The following OSBPL9 variants were observed in gnomAD, a reference collection of about 807,000 sequenced individuals.
The protein encoded by OSBPL9 is oxysterol-binding protein-related protein 9.
OSBPL9 carries 40 observed loss-of-function variants against 106.6 expected under a neutral mutation model. That is an observed-to-expected ratio of 0.38 (90% CI 0.29 to 0.49). The LOEUF (loss-of-function observed/expected upper bound fraction) is 0.49. Ranked by LOEUF, OSBPL9 falls within the 20% of genes least tolerant of loss-of-function variation. The pLI, the probability that OSBPL9 is intolerant of heterozygous loss-of-function variation, is 0.97. For missense variants in OSBPL9, 609 were observed against 887.2 expected, an observed-to-expected ratio of 0.69 and a Z score of 3.98; for synonymous variants, 269 against 295.4, an observed-to-expected ratio of 0.91 and a Z score of 0.92.
chr1:51,518,826 ATGCGTGCG>A, the OSBPL9 span, among the ~76,000 whole-genome samples: 1 of 151,648 alleles, frequency 6.6e-6, no homozygotes, highest in Non-Finnish European at 1.5e-5. Flanking sequence ...CTCACCTGGG[ATGCGTGCG>A]GCCCTGTGGG....
chr1:51,776,240 AACTT>A (rs1279975268), intron 14 of OSBPL9, among the ~76,000 whole-genome samples: 2 of 152,250 alleles, frequency 1.3e-5, no homozygotes, highest in Non-Finnish European at 2.9e-5. Context: ...GTGTGAATAA[AACTT>A]AATTCTTGGA....
chr1:51,783,633 G>C lies in OSBPL9; in HGVS notation c.1514-282G>C, dbSNP rs1367205845. ...TGGCTGGGCCTAGGTTGGGGCTGGA[G>C]CCTGGGTGTACTTGCAGACCAGAAC... On this transcript the variant is annotated intron_variant, in intron 17 of 23. Transcript: ENST00000428468. Among the ~76,000 whole-genome samples, 5 of 152,200 alleles carry C rather than the reference G, an allele frequency of 3.3e-5. No homozygotes were observed. In the East Asian group the frequency reaches 9.6e-4, roughly 29 times the overall value.
At chr1:51,688,194 A>G (rs969335269) in intron 3 of OSBPL9, among the ~76,000 whole-genome samples, 17 of 152,226 alleles carry the variant, frequency 1.1e-4, no homozygotes, top group African/African-American at 4.1e-4. Context: ...GAATTTTAGC[A>G]ATGTGGACAG....
At chr1:51,564,052 C>CAAAAAAAAAAAAAAAAAA in the OSBPL9 span, among the ~76,000 whole-genome samples, 46 of 27,358 alleles carry the variant, frequency 1.7e-3, 4 homozygotes, top group Non-Finnish European at 2.2e-3. Context: ...GAGATCATCT[C>CAAAAAAAAAAAAAAAAAA]AAAAAAAAAA....
At chr1:51,706,249 G>A (rs1344307082) in intron 3 of OSBPL9, among the ~76,000 whole-genome samples, 3 of 152,160 alleles carry the variant, frequency 2.0e-5, no homozygotes, top group Non-Finnish European at 4.4e-5. Context: ...TACCAAAAGG[G>A]TACTTTCCTG....
At chr1:51,617,996 T>TTTTG (rs111943091) in intron 1 of OSBPL9, among the ~76,000 whole-genome samples, 3 of 145,766 alleles carry the variant, frequency 2.1e-5, no homozygotes, top group South Asian at 4.4e-4. Flanking sequence ...TCTTACGTGG[T>TTTTG]TGTGTGTGTG....
intron 2 of OSBPL9, among the ~76,000 whole-genome samples, chr1:51,664,955 C>T (rs1648082362): frequency 6.6e-6 from 1 of 152,154 alleles, no homozygotes; most frequent in African/African-American, 2.4e-5. Flanking sequence ...AGTTCAATAG[C>T]TGGCAGCATT....
intron 19 of OSBPL9, 46 bp downstream of exon 19, chr1:51,784,373 C>T (rs1677104962): frequency 3.7e-6 from 6 of 1,609,926 alleles, no homozygotes; most frequent in African/African-American, 2.7e-5. Context: ...TCTGCTGTTC[C>T]TTGAGACATG....
At chr1:51,775,586 C>T (rs1240096267) in intron 14 of OSBPL9, among the ~76,000 whole-genome samples, 1 of 151,870 alleles carries the variant, frequency 6.6e-6, no homozygotes, top group African/African-American at 2.4e-5. Flanking sequence ...ACCTTTGTCT[C>T]CACCATAGCT....
chr1:51,714,883 G>C (rs1660741718), intron 4 of OSBPL9, among the ~76,000 whole-genome samples: 1 of 152,126 alleles, frequency 6.6e-6, no homozygotes. Flanking sequence ...ATTGCTGATA[G>C]GGTAGAAGGT....
chr1:51,757,200 A>C (rs1429827649), intron 9 of OSBPL9, among the ~76,000 whole-genome samples: 1 of 152,162 alleles, frequency 6.6e-6, no homozygotes, highest in Non-Finnish European at 1.5e-5. Flanking sequence ...TTTGGTTTAA[A>C]AATTTTTTTT....
At chr1:51,595,119 T>G (rs761376345) in intron 1 of OSBPL9, among the ~76,000 whole-genome samples, 2 of 151,914 alleles carry the variant, frequency 1.3e-5, no homozygotes, top group African/African-American at 2.4e-5. Context: ...CTGGGGGTAG[T>G]GAGAATAATG....
chr1:51,785,922 CATTAG>C, intron 21 of OSBPL9, 36 bp downstream of exon 21: 1 of 1,536,562 alleles, frequency 6.5e-7, no homozygotes, highest in Admixed American at 1.7e-5. Flanking sequence ...TTTTAGGCTA[CATTAG>C]ATTGTACTCT....
chr1:51,574,355 C>CA (rs1372639396), upstream of OSBPL9, among the ~76,000 whole-genome samples: 1 of 151,660 alleles, frequency 6.6e-6, no homozygotes, highest in Non-Finnish European at 1.5e-5. Context: ...CGCGGTGGCT[C>CA]ATGCCTGTAA....
At chr1:51,744,819 C>T (rs932024800) in intron 4 of OSBPL9, among the ~76,000 whole-genome samples, 5 of 152,296 alleles carry the variant, frequency 3.3e-5, no homozygotes, top group Middle Eastern at 3.4e-3. Context: ...GCTCTTGGAG[C>T]TTAAACTCTT....
At chr1:51,594,353 G>A (rs1645289736) in intron 1 of OSBPL9, among the ~76,000 whole-genome samples, 1 of 152,040 alleles carries the variant, frequency 6.6e-6, no homozygotes, top group South Asian at 2.1e-4. Context: ...AGTGAGCCGA[G>A]ATCATGCCAT....
intron 4 of OSBPL9, among the ~76,000 whole-genome samples, chr1:51,739,907 G>A (rs994737565): frequency 5.9e-5 from 9 of 151,876 alleles, no homozygotes; most frequent in Non-Finnish European, 1.0e-4. Flanking sequence ...ACCACTTTTG[G>A]TAGGGAGACA....
At chr1:51,639,196 C>G (rs1358854520) in intron 1 of OSBPL9, among the ~76,000 whole-genome samples, 4 of 152,124 alleles carry the variant, frequency 2.6e-5, no homozygotes, top group Non-Finnish European at 5.9e-5. Context: ...CTGCAAAATT[C>G]CCTCCTGTCC....
chr1:51,755,014 T>G (rs371691227), intron 8 of OSBPL9, among the ~76,000 whole-genome samples: 2 of 152,160 alleles, frequency 1.3e-5, no homozygotes, highest in African/African-American at 2.4e-5. Flanking sequence ...GCTTTGTTGC[T>G]TAGACTGGTC....
Sources: allele counts gnomAD v4.1 joint callset (sites outside exome capture counted in the v4.1 genomes callset), GRCh38; gene constraint gnomAD v4.1.1; transcripts MANE v1.5; gene names NCBI Gene and HGNC (gene_info 2026-07-23, HGNC 2026-07-21).